CALN1: variants seen among roughly 807,000 people sequenced by gnomAD.
CALN1 encodes the protein calneuron 1, also known as calcium-binding protein 8.
In CALN1, 17 loss-of-function variants were observed where a neutral mutation model predicts 30.6. That is an observed-to-expected ratio of 0.56 (90% confidence interval 0.38 to 0.83). The LOEUF (loss-of-function observed/expected upper bound fraction) is 0.83. Among genes scored for constraint, CALN1 ranks in the 40% least tolerant of loss-of-function variants. The pLI is 0.00. For synonymous variants in CALN1, 156 were observed against 131.4 expected, an observed-to-expected ratio of 1.19 and a Z score of -1.28; for missense variants, 291 against 354.9, an observed-to-expected ratio of 0.82 and a Z score of 1.45.
intron 2 of CALN1, among the ~76,000 whole-genome samples, chr7:72,355,255 G>C (rs955608586): frequency 6.6e-6 from 1 of 152,228 alleles, no homozygotes; most frequent in East Asian, 1.9e-4. Flanking sequence ...GCCGGCCGCT[G>C]TGGCTAACAC....
chr7:72,192,862 G>A (rs1459830314), intron 3 of CALN1, among the ~76,000 whole-genome samples: 2 of 131,788 alleles, frequency 1.5e-5, no homozygotes. Flanking sequence ...GTCCATGTTA[G>A]GGAAATCCCA....
At chr7:72,336,643 G>C (rs553203858) in intron 2 of CALN1, 2 of 965,346 alleles carry the variant, frequency 2.1e-6, no homozygotes, top group Non-Finnish European at 2.5e-6. Flanking sequence ...AGCGAGGACC[G>C]AGGGAAGAAG....
At chr7:72,048,354 T>C (rs1185884493) in intron 4 of CALN1, among the ~76,000 whole-genome samples, 1 of 152,070 alleles carries the variant, frequency 6.6e-6, no homozygotes, top group Non-Finnish European at 1.5e-5. Flanking sequence ...CTCTTCTTAA[T>C]CATCCTTTTC....
chr7:72,437,940 CCCTTCCTT>C (rs142091881), intron 1 of CALN1, among the ~76,000 whole-genome samples: 1 of 146,034 alleles, frequency 6.8e-6, no homozygotes. Flanking sequence ...TTCCCTCTCT[CCCTTCCTT>C]CCTTCCTTCC....
intron 3 of CALN1, among the ~76,000 whole-genome samples, chr7:72,170,034 T>C (rs931635178): frequency 1.3e-5 from 2 of 152,180 alleles, no homozygotes; most frequent in Non-Finnish European, 2.9e-5. Context: ...TCACACTCTG[T>C]CACCCAGGCT....
chr7:72,041,812 G>A (rs1310897909), intron 4 of CALN1, among the ~76,000 whole-genome samples: 1 of 152,184 alleles, frequency 6.6e-6, no homozygotes, highest in African/African-American at 2.4e-5. Context: ...AGTCTCATGA[G>A]ATCTGATGAT....
chr7:72,287,752 A>AT (rs1798186711), intron 2 of CALN1, among the ~76,000 whole-genome samples: 1 of 151,986 alleles, frequency 6.6e-6, no homozygotes, highest in African/African-American at 2.4e-5. Context: ...AGCCTAGTTA[A>AT]TTTTTAACTG....
chr7:72,146,744 C>T (rs1342478355), intron 3 of CALN1, among the ~76,000 whole-genome samples: 3 of 152,192 alleles, frequency 2.0e-5, no homozygotes, highest in African/African-American at 7.2e-5. Context: ...GTAACCAAAA[C>T]AGCATGGTAC....
intron 2 of CALN1, among the ~76,000 whole-genome samples, chr7:72,302,595 C>T (rs917415774): frequency 6.6e-6 from 1 of 151,990 alleles, no homozygotes; most frequent in African/African-American, 2.4e-5. Context: ...CCCATCTCTA[C>T]AAAAAATACG....
At chr7:71,987,864 T>C (rs546333916) in intron 5 of CALN1, among the ~76,000 whole-genome samples, 1 of 152,102 alleles carries the variant, frequency 6.6e-6, no homozygotes, top group Non-Finnish European at 1.5e-5. Flanking sequence ...TGGGCATATA[T>C]AGCTGGGAGT....
At chr7:71,971,953 A>AAAG (rs1797838934) in intron 5 of CALN1, among the ~76,000 whole-genome samples, 215 of 72,668 alleles carry the variant, frequency 3.0e-3, no homozygotes, top group Middle Eastern at 8.1e-3. Context: ...AAAAAAAAAA[A>AAAG]AAAGAAAGAA....
intron 5 of CALN1, among the ~76,000 whole-genome samples, chr7:71,886,792 AT>A (rs1035006653): frequency 1.3e-5 from 2 of 150,580 alleles, no homozygotes; most frequent in African/African-American, 2.5e-5. Context: ...AAAAAAAAAA[AT>A]ATTGCATGCC....
At position 72,317,062 on chromosome 7, in the gene CALN1, G is replaced by GACAC. The variant is rs1487218515; in HGVS notation, c.120-38253_120-38252insGTGT. 6.0e-4 allele frequency among the ~76,000 whole-genome samples: 59 copies of GACAC among 98,560 alleles called. 1 individual carries two copies. The highest frequency in any genetic ancestry group is 4.8e-3 in the Admixed American group (43 of 8,986). The allele number at this position is 98,560 out of a possible 152,430, so 64.7% of individuals were successfully genotyped here. On this transcript the variant is annotated intron_variant, in intron 2 of 6. Transcript: ENST00000395275. Reference sequence around the variant, plus strand: ...GAAGAGAGAGAGAGAAAGAGAGAGAGAGAAAGAGAGACACAGAAAGAGAGA... The same window carrying GACAC: ...GAAGAGAGAGAGAGAAAGAGAGAGAGACACAGAAAGAGAGACACAGAAAGAGAGA...
the CALN1 span, among the ~76,000 whole-genome samples, chr7:72,460,839 G>A: frequency 2.0e-5 from 3 of 152,028 alleles, no homozygotes; most frequent in Non-Finnish European, 4.4e-5. Flanking sequence ...TGTGGCTTTG[G>A]GAGGTGCCCC....
At chr7:72,379,730 T>A (rs1334865202) in intron 2 of CALN1, among the ~76,000 whole-genome samples, 3 of 152,240 alleles carry the variant, frequency 2.0e-5, no homozygotes, top group South Asian at 2.1e-4. Context: ...TGTTTCTCAT[T>A]TCAGTCATGT....
intron 5 of CALN1, among the ~76,000 whole-genome samples, chr7:72,002,494 A>C (rs1288530085): frequency 6.6e-6 from 1 of 152,162 alleles, no homozygotes; most frequent in Non-Finnish European, 1.5e-5. Context: ...ATAAAGTTGA[A>C]AAATTGTAAG....
chr7:72,051,653 A>G (rs1481983939), intron 4 of CALN1, among the ~76,000 whole-genome samples: 4 of 152,226 alleles, frequency 2.6e-5, no homozygotes, highest in Admixed American at 2.6e-4. Context: ...CAAAAACGCT[A>G]AAGCTGGAAC....
chr7:72,088,435 A>G (rs781772536), intron 4 of CALN1, among the ~76,000 whole-genome samples: 3 of 152,148 alleles, frequency 2.0e-5, no homozygotes, highest in Non-Finnish European at 4.4e-5. Flanking sequence ...GCAGTGGCTC[A>G]CACCTGTAAT....
chr7:72,450,212 T>A (rs1808633103), upstream of CALN1, among the ~76,000 whole-genome samples: 2 of 152,064 alleles, frequency 1.3e-5, no homozygotes, highest in Non-Finnish European at 2.9e-5. Flanking sequence ...TCTTTAAAAA[T>A]AAAAATAAAA....
Sources: allele counts gnomAD v4.1 joint callset (sites outside exome capture counted in the v4.1 genomes callset), GRCh38; gene constraint gnomAD v4.1.1; transcripts MANE v1.5; gene names NCBI Gene and HGNC (gene_info 2026-07-23, HGNC 2026-07-21).